SCRN1: variants seen among roughly 807,000 people sequenced by gnomAD.
SCRN1 encodes the protein secernin-1.
SCRN1 carries 19 observed loss-of-function variants against 43.3 expected under a neutral mutation model. That is an observed-to-expected ratio of 0.44 (90% CI 0.31 to 0.64). The LOEUF (loss-of-function observed/expected upper bound fraction) is 0.64, where lower values mean the gene tolerates loss of function less well. SCRN1 is among the 30% of genes least tolerant of loss of function. The pLI is 0.09. For synonymous variants in SCRN1, 183 were observed against 188.9 expected (o/e 0.97, Z 0.26); for missense variants, 447 against 524.1 (o/e 0.85, Z 1.44).
At chr7:29,959,524 C>A (rs925168148) in intron 2 of SCRN1, among the ~76,000 whole-genome samples, 20 of 152,300 alleles carry the variant, frequency 1.3e-4, no homozygotes, top group African/African-American at 3.6e-4. Context: ...CCCCTCTTAG[C>A]CTCCCAAGTA....
intron 1 of SCRN1, among the ~76,000 whole-genome samples, chr7:29,985,973 G>T (rs1331853394): frequency 6.6e-6 from 1 of 152,240 alleles, no homozygotes; most frequent in Non-Finnish European, 1.5e-5. Context: ...GGTGGCTCAT[G>T]CCTGTAATCC....
intron 5 of SCRN1, among the ~76,000 whole-genome samples, chr7:29,937,266 G>A (rs1305893696): frequency 6.6e-6 from 1 of 152,188 alleles, no homozygotes; most frequent in Non-Finnish European, 1.5e-5. Flanking sequence ...CAGAAACAAT[G>A]TGTGCAATTC....
At chr7:29,955,489 C>T (rs925315564) in intron 2 of SCRN1, 129 bp from the exon 3 acceptor site, 1 of 833,864 alleles carries the variant, frequency 1.2e-6, no homozygotes, top group Non-Finnish European at 1.8e-6. Context: ...CTTGGGAATA[C>T]CCTGATTTTT....
chr7:29,982,685 A>C (rs943589165), intron 1 of SCRN1, among the ~76,000 whole-genome samples: 1 of 99,470 alleles, frequency 1.0e-5, no homozygotes, highest in Non-Finnish European at 2.1e-5. Context: ...CCTGTCTCAA[A>C]AAAAAAAAAA....
chr7:29,934,732 G>A (rs1787266792), intron 6 of SCRN1, among the ~76,000 whole-genome samples: 1 of 152,216 alleles, frequency 6.6e-6, no homozygotes, highest in Non-Finnish European at 1.5e-5. Flanking sequence ...ATAGCAACTG[G>A]ACTCAAACAG....
intron 6 of SCRN1, among the ~76,000 whole-genome samples, chr7:29,932,630 T>TAACAA (rs1787194670): frequency 9.7e-6 from 1 of 103,196 alleles, no homozygotes; most frequent in South Asian, 3.2e-4. Context: ...CCAGCCTAGG[T>TAACAA]AACAGAGTGA....
In SCRN1 at chr7:29,965,601, G is replaced by A. The variant is rs563829888; in HGVS notation, c.159+3308C>T. Among the ~76,000 whole-genome samples the A allele has an allele frequency of 2.8e-4, 42 of 152,288 alleles. No individual in the cohort carries two copies. The highest frequency in any genetic ancestry group is 8.9e-4 in the African/African-American group (37 of 41,554). ...GGGAAATGAATTTGCTTTCTTACCC[G>A]TGAGGTTATTTCACCTGCAGAATAT... On this transcript the variant is annotated intron_variant, in intron 2 of 7. Transcript: ENST00000242059. The surrounding 1 kb of genome is among the most constrained non-coding windows in gnomAD (Gnocchi z 4.2).
At chr7:29,934,848 G>C (rs1787271677) in intron 6 of SCRN1, among the ~76,000 whole-genome samples, 1 of 152,208 alleles carries the variant, frequency 6.6e-6, no homozygotes, top group South Asian at 2.1e-4. Context: ...TCACAGAGGG[G>C]CTGGGGGTAG....
chr7:29,942,337 CAGTA>C (rs1469634416), intron 4 of SCRN1, among the ~76,000 whole-genome samples: 1 of 152,184 alleles, frequency 6.6e-6, no homozygotes, highest in African/African-American at 2.4e-5. Context: ...GACATGAAAT[CAGTA>C]AGTCCAAGAA....
chr7:29,968,411 AT>A (rs1460249574), intron 2 of SCRN1, among the ~76,000 whole-genome samples: 5 of 152,228 alleles, frequency 3.3e-5, no homozygotes, highest in Non-Finnish European at 7.3e-5. Flanking sequence ...AAATAAAAAA[AT>A]AAAAATGAAA....
chr7:29,935,473 A>G (rs1339722850), intron 6 of SCRN1, among the ~76,000 whole-genome samples: 1 of 152,250 alleles, frequency 6.6e-6, no homozygotes, highest in Non-Finnish European at 1.5e-5. Context: ...ACTGATAATG[A>G]TGTTCAGCCA....
intron 3 of SCRN1, among the ~76,000 whole-genome samples, chr7:29,954,333 A>G (rs1247387731): frequency 6.6e-6 from 1 of 151,826 alleles, no homozygotes; most frequent in Non-Finnish European, 1.5e-5. Context: ...TCATATTTTT[A>G]TATATATATT....
At chr7:29,960,340 C>T (rs140945305) in intron 2 of SCRN1, among the ~76,000 whole-genome samples, 10 of 151,148 alleles carry the variant, frequency 6.6e-5, no homozygotes, top group Non-Finnish European at 1.2e-4. Flanking sequence ...AACTCATTGA[C>T]GACAGTGAAT....
intron 1 of SCRN1, among the ~76,000 whole-genome samples, chr7:29,978,070 CTCTT>C (rs1277309757): frequency 6.6e-6 from 1 of 152,164 alleles, no homozygotes; most frequent in Non-Finnish European, 1.5e-5. Flanking sequence ...GCTTAACAGT[CTCTT>C]TCTCCAATTT....
chr7:29,958,628 C>T lies in SCRN1; in HGVS notation c.160-3268G>A, dbSNP rs111514633. 3.2e-4 allele frequency among the ~76,000 whole-genome samples: 48 copies of T among 152,294 alleles called. 1 individual carries two copies. The highest frequency in any genetic ancestry group is 1.1e-3 in the African/African-American group (45 of 41,570). Reference sequence around the variant, plus strand: ...TATTAGAAAAGAAAAAGAAAAAAGGCAAGTGTTCACCACTTAAAAGATGGA... The same window carrying T: ...TATTAGAAAAGAAAAAGAAAAAAGGTAAGTGTTCACCACTTAAAAGATGGA... On this transcript the variant is annotated intron_variant, in intron 2 of 7. Transcript: ENST00000242059.
chr7:29,968,819 G>T, intron 2 of SCRN1, 90 bp downstream of exon 2: 1 of 1,499,066 alleles, frequency 6.7e-7, no homozygotes, highest in African/African-American at 1.4e-5. Flanking sequence ...TGACTTGTGA[G>T]CAAGCTTCCA....
intron 6 of SCRN1, among the ~76,000 whole-genome samples, chr7:29,930,988 A>G (rs1233018788): frequency 6.6e-6 from 1 of 152,236 alleles, no homozygotes; most frequent in Non-Finnish European, 1.5e-5. Context: ...GCTGAGACAC[A>G]CAGTCCCATG....
intron 1 of SCRN1, among the ~76,000 whole-genome samples, chr7:29,986,127 T>A (rs961389611): frequency 1.3e-5 from 2 of 152,174 alleles, no homozygotes; most frequent in African/African-American, 4.8e-5. Flanking sequence ...TCCCAGCTAC[T>A]CAGGAGGTTG....
upstream of SCRN1, chr7:29,990,257 C>CT: frequency 1.3e-6 from 2 of 1,551,618 alleles, no homozygotes; most frequent in East Asian, 4.9e-5. Context: ...AAGCCAGACC[C>CT]TGTCCCAGGT....
Sources: gnomAD v4.1 joint callset for allele counts (sites outside exome capture counted in the v4.1 genomes callset) on GRCh38, gnomAD v4.1.1 for gene constraint, Gnocchi (gnomAD v3.1) non-coding constraint, MANE v1.5 for transcripts, NCBI Gene and HGNC (gene_info 2026-07-23, HGNC 2026-07-21) for gene names.